GCNA: variants seen among roughly 807,000 people sequenced by gnomAD.
GCNA encodes the protein germ cell nuclear acidic peptidase.
In GCNA, 3 loss-of-function variants were observed where a neutral mutation model predicts 38.8. The observed-to-expected ratio is 0.08, with a 90% CI of 0.04 to 0.20. The LOEUF (loss-of-function observed/expected upper bound fraction) is 0.20. Among genes scored for constraint, GCNA ranks in the 10% least tolerant of loss-of-function variants. GCNA has a pLI of 1.00. For synonymous variants in GCNA, 195 were observed against 240.2 expected, an observed-to-expected ratio of 0.81 and a Z score of 1.74; for missense variants, 446 against 578.6, an observed-to-expected ratio of 0.77 and a Z score of 2.35.
At chrX:71,595,915 T>A (rs2040667989) in intron 6 of GCNA, among the ~76,000 whole-genome samples, 1 of 112,335 alleles carries the variant, frequency 8.9e-6, no homozygotes, top group Non-Finnish European at 1.9e-5. Flanking sequence ...TGAAATGTCA[T>A]TTAAAATCTG....
rs138010303 is a variant in GCNA at position 71,603,982 on chromosome X, C to A, written c.705C>A (p.Pro235=). 397 of 1,206,214 alleles carry A rather than the reference C, an allele frequency of 3.3e-4. 2 individuals carry two copies. The African/African-American group carries it at 6.3e-3, about 19-fold the overall frequency. The change falls in exon 8 of 13, where the codon CCC becomes CCA. Residue 235 remains proline, a synonymous_variant. Transcript: ENST00000373696. ...PDDSSDDSDV[P]DDSSDDSEAP... ...ACAGCAGTGATGATTCGGATGTTCC[C>A]GACGACAGCAGTGATGATTCGGAAG...
intron 8 of GCNA, 108 bp downstream of exon 8, chrX:71,604,784 C>T: frequency 9.5e-7 from 1 of 1,057,772 alleles, no homozygotes; most frequent in Non-Finnish European, 1.3e-6. Context: ...TGTGCCATTT[C>T]AGCAACTTCC....
At chrX:71,598,886 G>A (rs2040692072) in intron 7 of GCNA, among the ~76,000 whole-genome samples, 1 of 111,249 alleles carries the variant, frequency 9.0e-6, no homozygotes. Context: ...TGTTGCCCAG[G>A]CTGGAGTGCA....
chrX:71,594,372 G>C lies in GCNA; in HGVS notation c.182G>C (p.Gly61Ala). The C allele has an allele frequency of 1.7e-6, 2 of 1,200,684 alleles. No homozygotes were observed. The highest frequency in any genetic ancestry group is 2.3e-6 in the Non-Finnish European group (2 of 886,807). Residue 61 changes from glycine (G) to alanine (A), a missense_variant, in exon 5 of 13, where the codon GGG becomes GCG. Gly to Ala is a moderately conservative substitution (Grantham distance 60). Around this residue, in one of 7 missense-constraint regions of GCNA, gnomAD observed 25 missense variants for 52.8 expected, o/e 0.47. Transcript: ENST00000373696. ...NVQSRSGDTSGSSVARRAPKR... is the reference protein window; with the variant it reads ...NVQSRSGDTSASSVARRAPKR... ...CAGTCAAGGAGTGGTGACACCAGTG[G>C]GTCTTGTAAGTAGAGTCCACTCAAA...
chrX:71,608,464 G>A (rs2040785115), intron 9 of GCNA, among the ~76,000 whole-genome samples: 1 of 111,265 alleles, frequency 9.0e-6, no homozygotes, highest in African/African-American at 3.3e-5. Context: ...AGTAGAGACA[G>A]GGTTTCACCG....
chrX:71,605,583 TG>T (rs1379428719), intron 8 of GCNA, 79 bp from the exon 9 acceptor site: 7 of 858,540 alleles, frequency 8.2e-6, no homozygotes, highest in East Asian at 3.4e-5. Context: ...GGGCTCCTTT[TG>T]GGTTTACCTT....
intron 1 of GCNA, 23 bp from the exon 2 acceptor site, chrX:71,580,797 T>A: frequency 8.4e-7 from 1 of 1,187,024 alleles, no homozygotes; most frequent in South Asian, 1.9e-5. Flanking sequence ...CTTAAGAAAG[T>A]GTATCTTTGT....
Position 71,603,805 on chromosome X carries a change from G to A in GCNA, c.528G>A (p.Ser176=), listed in dbSNP as rs2040737558. The change falls in exon 8 of 13, where the codon TCG becomes TCA. Residue 176 remains serine, a synonymous_variant. Coordinates refer to ENST00000373696, the MANE Select transcript of GCNA (RefSeq NM_052957.5). Reference sequence around the variant, plus strand: ...CTCCCGACGACAACAGTGATGATTCGGAAGCTCCCGACGACAATAGTGATG... The same window carrying A: ...CTCCCGACGACAACAGTGATGATTCAGAAGCTCCCGACGACAATAGTGATG... ...SEAPDDNSDD[S]EAPDDNSDDS... 8.3e-7 allele frequency: 1 copy of A among 1,208,154 alleles called. No individual in the cohort carries two copies. Among genetic ancestry groups the A allele is most frequent in the African/African-American group, 1.8e-5 (1 of 56,602 alleles).
intron 7 of GCNA, among the ~76,000 whole-genome samples, chrX:71,598,310 C>T (rs2040687696): frequency 9.0e-6 from 1 of 111,325 alleles, no homozygotes. Flanking sequence ...ATCAGTGAAG[C>T]GGGGTAGGGG....
intron 11 of GCNA, among the ~76,000 whole-genome samples, chrX:71,611,819 C>T (rs1470365530): frequency 9.0e-6 from 1 of 111,511 alleles, no homozygotes. Context: ...ACCTGCTCAC[C>T]GAAGGCTCTT....
intron 2 of GCNA, among the ~76,000 whole-genome samples, chrX:71,588,609 C>T (rs2040600548): frequency 9.0e-6 from 1 of 111,589 alleles, no homozygotes; most frequent in African/African-American, 3.3e-5. Context: ...GGCAGATCAC[C>T]TGAGGTCAGG....
At chrX:71,604,760 C>T (rs2040755588) in intron 8 of GCNA, 84 bp downstream of exon 8, 1 of 1,136,582 alleles carries the variant, frequency 8.8e-7, no homozygotes, top group Non-Finnish European at 1.2e-6. Context: ...TCTGCCTGTC[C>T]TCCCTTTCAA....
rs150219200 is a variant in GCNA at position 71,597,907 on chromosome X, C to A, written c.222-43C>A. On this transcript the variant is annotated intron_variant, in intron 6 of 12. Coordinates refer to ENST00000373696, the MANE Select transcript of GCNA (RefSeq NM_052957.5). ...AATGCCATGAAAAAGAAGACTGTTG[C>A]GTTCATACTTCTCTCTTGTTTTTCT... 4 of 1,003,934 alleles carry A rather than the reference C, an allele frequency of 4.0e-6. No homozygotes were observed. The African/African-American group carries it at 7.6e-5, about 19-fold the overall frequency. 82.7% of individuals were successfully genotyped at this position (1,003,934 alleles called of 1,213,427 possible).
In GCNA at chrX:71,612,326, C is replaced by A. The variant is rs774777011; in HGVS notation, c.1751-29C>A. ...AAAAAAAAGAGGATTGGTTTTAGTG[C>A]TCACATTTCTTTTCATTCTTCTTTC... On this transcript the variant is annotated intron_variant, in intron 11 of 12. Transcript: ENST00000373696. The A allele has an allele frequency of 3.8e-5, 21 of 546,575 alleles. No individual in the cohort carries two copies. The East Asian group carries it at 4.3e-4, about 11-fold the overall frequency. 45.0% of individuals were successfully genotyped at this position (546,575 alleles called of 1,213,427 possible).
intron 7 of GCNA, among the ~76,000 whole-genome samples, chrX:71,601,142 G>A (rs888073611): frequency 9.0e-6 from 1 of 111,524 alleles, no homozygotes; most frequent in Non-Finnish European, 1.9e-5. Context: ...TCAAGAGATC[G>A]AGACCATCTT....
At chrX:71,592,033 T>C in intron 2 of GCNA, 89 bp from the exon 3 acceptor site, 1 of 678,853 alleles carries the variant, frequency 1.5e-6, no homozygotes, top group East Asian at 3.3e-5. Flanking sequence ...TGATTGGTTG[T>C]TTTCTTCACT....
chrX:71,601,535 GT>G (rs374171125), intron 7 of GCNA, among the ~76,000 whole-genome samples: 113 of 107,891 alleles, frequency 1.0e-3, no homozygotes, highest in African/African-American at 3.7e-3. Flanking sequence ...GCATTCATCT[GT>G]TTTTTTTTGT....
At chrX:71,606,164 G>A (rs1014564281) in intron 9 of GCNA, among the ~76,000 whole-genome samples, 1 of 112,809 alleles carries the variant, frequency 8.9e-6, no homozygotes, top group Non-Finnish European at 1.9e-5. Context: ...TGGTGAGAAG[G>A]CGAAAGCAAC....
intron 8 of GCNA, 97 bp from the exon 9 acceptor site, chrX:71,605,566 G>A: frequency 1.5e-6 from 1 of 662,286 alleles, no homozygotes; most frequent in Non-Finnish European, 2.3e-6. Flanking sequence ...ACTGGGCTTG[G>A]CTGTGAGGGC....
Sources: allele counts gnomAD v4.1 joint callset (sites outside exome capture counted in the v4.1 genomes callset), GRCh38; gene constraint gnomAD v4.1.1; regional missense constraint gnomAD v4.1.1; transcripts MANE v1.5; gene names NCBI Gene and HGNC (gene_info 2026-07-23, HGNC 2026-07-21).